The following CAPN11 variants were observed in gnomAD, a reference collection of about 807,000 sequenced individuals.
CAPN11 encodes calpain-11.
A neutral mutation model predicts 105.3 loss-of-function variants in CAPN11; 108 were observed. That is an observed-to-expected ratio of 1.03 (90% confidence interval 0.88 to 1.20). CAPN11 has a LOEUF of 1.20. Ranked by LOEUF, CAPN11 falls within the 50% of genes most tolerant of loss-of-function variation. The pLI is 0.00. For missense variants in CAPN11, 883 were observed against 924.8 expected (o/e 0.95, Z 0.59); for synonymous variants, 329 against 344.5 (o/e 0.96, Z 0.50).
At chr6:44,177,510 CAG>C (rs1772307939) in intron 12 of CAPN11, 90 bp downstream of exon 12, 1 of 1,211,884 alleles carries the variant, frequency 8.3e-7, no homozygotes, top group Non-Finnish European at 1.1e-6. Flanking sequence ...TTTTTCGAGA[CAG>C]AGTCTCACTC....
At position 44,173,308 on chromosome 6, in the gene CAPN11, C is replaced by A. The variant is rs1009525648; in HGVS notation, c.753C>A (p.Leu251=). The A allele has an allele frequency of 1.2e-6, 2 of 1,613,830 alleles. No homozygotes were observed. Among genetic ancestry groups the A allele is most frequent in the Admixed American group, 3.3e-5 (2 of 60,000 alleles). ...FTGGVAQSFQ[L]QRPPQNLLRL... ...GAGGCGTGGCCCAGAGCTTCCAACT[C>A]CAGAGGCCCCCTCAGAACCTGCTCA... The change falls in exon 7 of 23, where the codon CTC becomes CTA. Residue 251 remains leucine, a synonymous_variant. Transcript: ENST00000398776.
rs755559441 is a variant in CAPN11, at chr6:44,173,064, C to T, written c.653C>T (p.Ala218Val). Residue 218 changes from alanine (A) to valine (V), a missense_variant, in exon 6 of 23, where the codon GCG becomes GTG. Ala to Val is a moderately conservative substitution (Grantham distance 64). Coordinates refer to ENST00000398776, the MANE Select transcript of CAPN11 (RefSeq NM_007058.4). ...SEFWSALLEKAYAKLSGSYEA... is the reference protein window; with the variant it reads ...SEFWSALLEKVYAKLSGSYEA... ...TTCTGGAGTGCCCTGCTGGAGAAGG[C>T]GTATGCCAAGTGAGTGCTGGGAGCT... The T allele has an allele frequency of 3.1e-6, 5 of 1,613,236 alleles. No individual in the cohort carries two copies. The Admixed American group carries it at 5.0e-5, about 16-fold the overall frequency.
intron 10 of CAPN11, 37 bp downstream of exon 10, chr6:44,176,692 C>G: frequency 1.9e-6 from 3 of 1,566,106 alleles, no homozygotes; most frequent in Admixed American, 3.5e-5. Context: ...TACCACCACC[C>G]TAGGCCCTGG....
Position 44,181,241 on chromosome 6 carries a change from C to A in CAPN11, c.1870-11C>A. ...TTCACTCCTTCTCTGCTGTCCTTGA[C>A]CACCTTCCAGAAAGATGGCTCTGGC... On this transcript the variant is annotated splice_polypyrimidine_tract_variant and intron_variant, in intron 18 of 22. Transcript: ENST00000398776. The A allele has an allele frequency of 6.2e-7, 1 of 1,613,258 alleles. No homozygotes were observed. Among genetic ancestry groups the A allele is most frequent in the East Asian group, 2.2e-5 (1 of 44,888 alleles).
chr6:44,169,363 C>T lies in CAPN11; in HGVS notation c.171C>T (p.Asn57=), dbSNP rs745426941. The change falls in exon 3 of 23, where the codon AAC becomes AAT. Residue 57 remains asparagine, a synonymous_variant. Coordinates refer to ENST00000398776, the MANE Select transcript of CAPN11 (RefSeq NM_007058.4). ...CCAAGGGCGTGGGCCAGCACGACAACGCCCAGAACTTTGGTAACCAGAGCT... is the reference window on the plus strand; with the variant it reads ...CCAAGGGCGTGGGCCAGCACGACAATGCCCAGAACTTTGGTAACCAGAGCT... ...LKAKGVGQHD[N]AQNFGNQSFE... 6.3e-5 allele frequency: 102 copies of T among 1,614,034 alleles called. No homozygotes were observed. The highest frequency in any genetic ancestry group is 3.3e-4 in the Middle Eastern group (2 of 6,062).
chr6:44,181,392 G>A (rs1271702837), intron 19 of CAPN11, 72 bp downstream of exon 19: 3 of 1,204,990 alleles, frequency 2.5e-6, no homozygotes, highest in Non-Finnish European at 2.4e-6. Flanking sequence ...AACTAATGAG[G>A]GGAAGCTAGA....
At chr6:44,179,726 GC>G (rs1381953676) in intron 13 of CAPN11, 96 bp downstream of exon 13, 7 of 1,303,208 alleles carry the variant, frequency 5.4e-6, no homozygotes, top group African/African-American at 1.4e-5. Context: ...TTGGCGAGAG[GC>G]TCTGGGGGTC....
Position 44,184,028 on chromosome 6 carries a change from G to C in CAPN11, c.*96G>C. 1.5e-6 allele frequency: 2 copies of C among 1,376,410 alleles called. No individual in the cohort carries two copies. Among genetic ancestry groups the C allele is most frequent in the South Asian group, 1.3e-5 (1 of 79,290 alleles). 85.3% of individuals were successfully genotyped at this position (1,376,410 alleles called of 1,614,324 possible). A position where few individuals can be genotyped will look rare whatever the true frequency, so the allele number is the denominator to read the frequency against. On this transcript the variant is annotated 3_prime_UTR_variant, in exon 23 of 23. Coordinates refer to ENST00000398776, the MANE Select transcript of CAPN11 (RefSeq NM_007058.4). Reference sequence around the variant, plus strand: ...TGCTTCTTGTAGCCCTCAGCTCTCCGGTCTCTGCTGATGAAATGGGCTCCA... The same window carrying C: ...TGCTTCTTGTAGCCCTCAGCTCTCCCGTCTCTGCTGATGAAATGGGCTCCA...
Position 44,173,299 on chromosome 6 carries a change from C to T in CAPN11, c.744C>T (p.Ser248=). The change falls in exon 7 of 23, where the codon AGC becomes AGT. Residue 248 remains serine, a synonymous_variant. Coordinates refer to ENST00000398776, the MANE Select transcript of CAPN11 (RefSeq NM_007058.4). The part of the protein sequence containing the change: ...LEDFTGGVAQ[S]FQLQRPPQNL... ...ACTTCACAGGAGGCGTGGCCCAGAG[C>T]TTCCAACTCCAGAGGCCCCCTCAGA... 1 of 1,613,958 alleles carries T rather than the reference C, an allele frequency of 6.2e-7. No individual in the cohort carries two copies. Among genetic ancestry groups the T allele is most frequent in the Non-Finnish European group, 8.5e-7 (1 of 1,179,874 alleles).
In CAPN11 at chr6:44,170,082, C is replaced by T. The variant is rs1045948957; in HGVS notation, c.409+107C>T. 14 of 806,668 alleles carry T rather than the reference C, an allele frequency of 1.7e-5. No individual in the cohort carries two copies. In the Admixed American group the frequency reaches 2.7e-4, roughly 15 times the overall value. 50.0% of individuals were successfully genotyped at this position (806,668 alleles called of 1,614,324 possible). On this transcript the variant is annotated intron_variant, in intron 4 of 22. Transcript: ENST00000398776. ...AACAGGGAGCCCTGAGGTCAGACAG[C>T]CTGCTTCTGTTCCCCTGTCCCTCCC...
intron 12 of CAPN11, 92 bp from the exon 13 acceptor site, chr6:44,179,527 G>T (rs1772769981): frequency 8.8e-7 from 1 of 1,137,798 alleles, no homozygotes; most frequent in Non-Finnish European, 1.3e-6. Flanking sequence ...CACACACACA[G>T]ACACACACTA....
At chr6:44,181,838 ACT>A (rs1282253046) in intron 19 of CAPN11, among the ~76,000 whole-genome samples, 2 of 57,914 alleles carry the variant, frequency 3.5e-5, no homozygotes, top group Non-Finnish European at 7.8e-5. Flanking sequence ...ACACACACAC[ACT>A]CACATACAGA....
chr6:44,177,156 T>G (rs1772201429), intron 11 of CAPN11, 86 bp from the exon 12 acceptor site: 2 of 1,484,986 alleles, frequency 1.3e-6, no homozygotes, highest in East Asian at 2.4e-5. Flanking sequence ...ACAGCTCCAG[T>G]GTGGCTGGGG....
intron 2 of CAPN11, 76 bp downstream of exon 2, chr6:44,166,905 G>C: frequency 9.7e-7 from 1 of 1,025,804 alleles, no homozygotes; most frequent in Non-Finnish European, 1.5e-6. Flanking sequence ...TCTTCCCCTG[G>C]GCCTGCTGGT....
At chr6:44,180,715 G>A in intron 16 of CAPN11, 33 bp from the exon 17 acceptor site, 1 of 1,613,524 alleles carries the variant, frequency 6.2e-7, no homozygotes, top group Non-Finnish European at 8.5e-7. Flanking sequence ...GGGCTGGAGG[G>A]GCCCGAGTGG....
intron 12 of CAPN11, 77 bp from the exon 13 acceptor site, chr6:44,179,542 C>T (rs755196283): frequency 3.5e-5 from 44 of 1,266,690 alleles, no homozygotes; most frequent in Non-Finnish European, 5.1e-5. Flanking sequence ...ACACTATACA[C>T]ATCCCACTTG....
intron 4 of CAPN11, among the ~76,000 whole-genome samples, chr6:44,170,425 C>T (rs765378606): frequency 5.3e-5 from 8 of 152,106 alleles, no homozygotes; most frequent in Non-Finnish European, 7.4e-5. Flanking sequence ...TAGGAGGGTG[C>T]ACTTACGTGG....
intron 7 of CAPN11, 106 bp downstream of exon 7, chr6:44,173,492 C>A: frequency 1.4e-6 from 1 of 693,696 alleles, no homozygotes; most frequent in Non-Finnish European, 2.4e-6. Flanking sequence ...TCATTCAGTT[C>A]AACTGCCCTT....
chr6:44,176,778 G>A (rs1007404259), intron 10 of CAPN11, 60 bp from the exon 11 acceptor site: 8 of 1,599,628 alleles, frequency 5.0e-6, no homozygotes, highest in Non-Finnish European at 6.8e-6. Flanking sequence ...GGTGGTTCAG[G>A]GAGAGGGAAC....
Sources: gnomAD v4.1 joint callset for allele counts (sites outside exome capture counted in the v4.1 genomes callset) on GRCh38, gnomAD v4.1.1 for gene constraint, MANE v1.5 for transcripts, NCBI Gene and HGNC (gene_info 2026-07-23, HGNC 2026-07-21) for gene names.